ANKFY1: variants seen among roughly 807,000 people sequenced by gnomAD.
ANKFY1 encodes the protein ankyrin repeat and FYVE domain-containing protein 1.
A neutral mutation model predicts 128.3 loss-of-function variants in ANKFY1; 47 were observed. The ratio of observed to expected loss-of-function variants is 0.37; its 90% CI spans 0.29 to 0.47. The LOEUF is 0.47. Ranked by LOEUF, ANKFY1 falls within the 20% of genes least tolerant of loss-of-function variation. The pLI, the probability that ANKFY1 is intolerant of heterozygous loss-of-function variation, is 1.00. For synonymous variants in ANKFY1, 553 were observed against 601.6 expected, an observed-to-expected ratio of 0.92 and a Z score of 1.18; for missense variants, 1,222 against 1,510.6, an observed-to-expected ratio of 0.81 and a Z score of 3.17.
At chr17:4,200,063 A>AG (rs2059900457) in intron 7 of ANKFY1, among the ~76,000 whole-genome samples, 1 of 142,918 alleles carries the variant, frequency 7.0e-6, no homozygotes, top group Non-Finnish European at 1.5e-5. Flanking sequence ...GGTTTTGGGG[A>AG]TTTTTTTTTT....
At chr17:4,262,234 T>A (rs943918196) in intron 1 of ANKFY1, among the ~76,000 whole-genome samples, 5 of 152,112 alleles carry the variant, frequency 3.3e-5, no homozygotes, top group African/African-American at 4.8e-5. Flanking sequence ...CCTCCCGGAT[T>A]CAAATGATCC....
intron 3 of ANKFY1, 57 bp downstream of exon 3, chr17:4,235,715 T>C (rs1966879103): frequency 1.6e-6 from 2 of 1,257,222 alleles, no homozygotes; most frequent in African/African-American, 3.0e-5. Context: ...CACCACAACC[T>C]TCTGCCAAGA....
chr17:4,224,660 G>GT (rs1184634246), intron 3 of ANKFY1, among the ~76,000 whole-genome samples: 192 of 77,006 alleles, frequency 2.5e-3, no homozygotes, highest in African/African-American at 5.5e-3. Flanking sequence ...ATGGAAAACT[G>GT]TTTGTTTGTT....
intron 3 of ANKFY1, chr17:4,223,584 G>C: frequency 7.9e-7 from 1 of 1,263,902 alleles, no homozygotes; most frequent in Non-Finnish European, 1.2e-6. Context: ...GTGATGTGTG[G>C]GGCCTTTGGA....
intron 5 of ANKFY1, 71 bp from the exon 6 acceptor site, chr17:4,208,153 C>T (rs948669870): frequency 2.1e-6 from 3 of 1,449,868 alleles, no homozygotes; most frequent in Middle Eastern, 2.1e-4. Context: ...TTTAGCAAGC[C>T]TCTCAAATGC....
In ANKFY1 at chr17:4,176,146, C is replaced by T. The variant is rs545004583; in HGVS notation, c.2775+980G>A. Among the ~76,000 whole-genome samples, 3 of 152,344 alleles carry T rather than the reference C, an allele frequency of 2.0e-5. No homozygotes were observed. The East Asian group carries it at 5.8e-4, about 29-fold the overall frequency. On this transcript the variant is annotated intron_variant, in intron 19 of 24. Coordinates refer to ENST00000341657, the MANE Select transcript of ANKFY1 (RefSeq NM_001330063.2). ...CACACTCACTGCCACGGCCTCCGCT[C>T]GGTCTCGTCACTGGTGAGCCCGCCC...
intron 3 of ANKFY1, chr17:4,222,715 AG>A: frequency 1.1e-6 from 1 of 883,594 alleles, no homozygotes; most frequent in Non-Finnish European, 1.9e-6. Flanking sequence ...GTTTTATATT[AG>A]GGTAGGGTTT....
rs1218758888 is a variant in ANKFY1 at position 4,167,961 on chromosome 17, T to C, written c.3378-50A>G. 1.9e-6 allele frequency: 3 copies of C among 1,582,232 alleles called. No individual in the cohort carries two copies. Among genetic ancestry groups the C allele is most frequent in the African/African-American group, 1.4e-5 (1 of 74,066 alleles). On this transcript the variant is annotated intron_variant, in intron 24 of 24. Transcript: ENST00000341657. The surrounding 1 kb of genome is among the most constrained non-coding windows in gnomAD (Gnocchi z 4.1). ...TGAGAGGAGCGCCAACGACAGACTC[T>C]GCTTCCTGGCACGTGAGGACAACCG...
At chr17:4,187,092 AC>A in intron 11 of ANKFY1, 2 of 1,026,488 alleles carry the variant, frequency 1.9e-6, no homozygotes, top group Non-Finnish European at 2.5e-6. Flanking sequence ...ATGTTAGTGC[AC>A]CCGTCACCTG....
At chr17:4,193,636 G>C (rs1400423069) in intron 10 of ANKFY1, among the ~76,000 whole-genome samples, 1 of 152,024 alleles carries the variant, frequency 6.6e-6, no homozygotes, top group East Asian at 1.9e-4. Context: ...ATGTTGGCCA[G>C]GATGGTCTCG....
intron 1 of ANKFY1, among the ~76,000 whole-genome samples, chr17:4,251,340 G>A (rs1042492841): frequency 6.6e-6 from 1 of 152,108 alleles, no homozygotes; most frequent in African/African-American, 2.4e-5. Flanking sequence ...TCAGGAGGCT[G>A]GGGAGGAAGG....
At chr17:4,237,535 A>C (rs1474342125) in intron 2 of ANKFY1, among the ~76,000 whole-genome samples, 1 of 152,192 alleles carries the variant, frequency 6.6e-6, no homozygotes, top group Non-Finnish European at 1.5e-5. Context: ...ACATCCTAAT[A>C]ACTTAAACAG....
At chr17:4,213,346 C>T (rs944652251) in intron 4 of ANKFY1, among the ~76,000 whole-genome samples, 11 of 151,866 alleles carry the variant, frequency 7.2e-5, no homozygotes, top group African/African-American at 1.4e-4. Context: ...CCCGCCACCA[C>T]GACCGGCTAA....
At chr17:4,207,701 A>C (rs181298637) in intron 6 of ANKFY1, among the ~76,000 whole-genome samples, 73 of 152,186 alleles carry the variant, frequency 4.8e-4, no homozygotes, top group African/African-American at 1.7e-3. Context: ...AAAAAAAAAA[A>C]CTACCTAAAA....
Position 4,178,877 on chromosome 17 carries a change from C to G in ANKFY1, c.2578G>C (p.Glu860Gln). ...NKSAEAILKRESGAAEQVDNK... is the reference protein window; with the variant it reads ...NKSAEAILKRQSGAAEQVDNK... The stretch of plus-strand genomic sequence containing the variant: ...CTCACCTGCTCAGCAGCCCCGGACT[C>G]TCGTTTGAGAATGGCCTCGGCTGAC... Residue 860 changes from glutamate to glutamine, a missense_variant, in exon 18 of 25, where the codon GAG becomes CAG. Glu to Gln is a conservative substitution (Grantham distance 29). Coordinates refer to ENST00000341657, the MANE Select transcript of ANKFY1 (RefSeq NM_001330063.2). This position sits in a 1 kb window ranked among gnomAD's most constrained non-coding sequence, Gnocchi z 4.1. 6.2e-7 allele frequency: 1 copy of G among 1,614,260 alleles called. No homozygotes were observed. The highest frequency in any genetic ancestry group is 8.5e-7 in the Non-Finnish European group (1 of 1,180,056).
At chr17:4,173,280 G>A in intron 21 of ANKFY1, 74 bp downstream of exon 21, 1 of 1,437,966 alleles carries the variant, frequency 7.0e-7, no homozygotes. Context: ...GGGGCTGATG[G>A]GAGGCACCAG....
At chr17:4,263,897 G>C (rs1158994081) in intron 1 of ANKFY1, 35 bp downstream of exon 1, 3 of 1,613,716 alleles carry the variant, frequency 1.9e-6, no homozygotes, top group African/African-American at 2.7e-5. Context: ...CCACAGCTCC[G>C]TGTCTTCCCG....
intron 6 of ANKFY1, among the ~76,000 whole-genome samples, chr17:4,207,509 A>C (rs781165789): frequency 1.4e-4 from 22 of 152,206 alleles, no homozygotes; most frequent in Non-Finnish European, 2.5e-4. Flanking sequence ...CTCTGGAAAG[A>C]AGCACAGCCT....
In ANKFY1 at chr17:4,190,430, G is replaced by C. The variant is rs541942569; in HGVS notation, c.1373-951C>G. 6.6e-5 allele frequency among the ~76,000 whole-genome samples: 10 copies of C among 150,980 alleles called. No homozygotes were observed. In the South Asian group the frequency reaches 2.1e-3, roughly 32 times the overall value. On this transcript the variant is annotated intron_variant, in intron 10 of 24. Coordinates refer to ENST00000341657, the MANE Select transcript of ANKFY1 (RefSeq NM_001330063.2). ...CACTCCAGCCTGGGCGACAGAACAA[G>C]ACTCTGTCTCAAAGAAAAAAAAAAA...
Sources: allele counts gnomAD v4.1 joint callset (sites outside exome capture counted in the v4.1 genomes callset), GRCh38; gene constraint gnomAD v4.1.1; non-coding constraint Gnocchi (gnomAD v3.1); transcripts MANE v1.5; gene names NCBI Gene and HGNC (gene_info 2026-07-23, HGNC 2026-07-21).